Variants in GALNT17 observed in about 807,000 individuals in gnomAD.
GALNT17 encodes polypeptide N-acetylgalactosaminyltransferase 17.
Under a neutral mutation model 63.7 loss-of-function variants are expected in GALNT17, and 29 were observed. The observed-to-expected ratio is 0.46, with a 90% confidence interval of 0.34 to 0.62. The LOEUF (loss-of-function observed/expected upper bound fraction) is 0.62. GALNT17 is among the 20% of genes least tolerant of loss of function. The pLI, the probability that GALNT17 is intolerant of heterozygous loss-of-function variation, is 0.01. For missense variants in GALNT17, 603 were observed against 799.6 expected, an observed-to-expected ratio of 0.75 and a Z score of 2.97; for synonymous variants, 305 against 318.3, an observed-to-expected ratio of 0.96 and a Z score of 0.45.
chr7:71,471,917 A>C (rs1787638503), intron 5 of GALNT17, among the ~76,000 whole-genome samples: 1 of 149,914 alleles, frequency 6.7e-6, no homozygotes, highest in African/African-American at 2.5e-5. Flanking sequence ...CAGAAAGCCT[A>C]ATCTGTGTCT....
chr7:71,600,217 A>G (rs940718402), intron 6 of GALNT17, among the ~76,000 whole-genome samples: 4 of 151,414 alleles, frequency 2.6e-5, no homozygotes, highest in African/African-American at 9.8e-5. Flanking sequence ...ATGGTATTGA[A>G]ATTTCATGGG....
chr7:71,377,114 A>AAAAATATATAT, intron 2 of GALNT17, among the ~76,000 whole-genome samples: 19 of 57,450 alleles, frequency 3.3e-4, no homozygotes, highest in African/African-American at 8.4e-4. Context: ...AAATAAAAAA[A>AAAAATATATAT]ATATATATAT....
chr7:71,165,402 C>T (rs374304684), intron 1 of GALNT17, among the ~76,000 whole-genome samples: 26 of 152,312 alleles, frequency 1.7e-4, no homozygotes, highest in African/African-American at 4.8e-5. Flanking sequence ...CATAGTTCCA[C>T]GTGGCTAGGG....
chr7:71,357,608 T>C (rs1048774721), intron 2 of GALNT17, among the ~76,000 whole-genome samples: 2 of 152,186 alleles, frequency 1.3e-5, no homozygotes, highest in African/African-American at 4.8e-5. Context: ...CCTTGAGTCA[T>C]GCAGATTTAA....
intron 1 of GALNT17, among the ~76,000 whole-genome samples, chr7:71,292,645 G>C (rs1273957811): frequency 1.0e-5 from 1 of 98,234 alleles, no homozygotes; most frequent in East Asian, 4.7e-4. Context: ...GAGAGAGAGA[G>C]AGAGAGACAG....
chr7:71,569,014 C>G (rs998045134), intron 5 of GALNT17, among the ~76,000 whole-genome samples: 1 of 152,136 alleles, frequency 6.6e-6, no homozygotes, highest in African/African-American at 2.4e-5. Flanking sequence ...CTCTGTTGCC[C>G]AGGCTGGAGT....
intron 1 of GALNT17, among the ~76,000 whole-genome samples, chr7:71,295,145 G>A (rs771408522): frequency 6.6e-6 from 1 of 152,094 alleles, no homozygotes; most frequent in African/African-American, 2.4e-5. Flanking sequence ...TAAGTTCTAC[G>A]AGAACGCTGC....
At chr7:71,682,594 G>C (rs1021794269) in intron 9 of GALNT17, among the ~76,000 whole-genome samples, 31 of 39,348 alleles carry the variant, frequency 7.9e-4, no homozygotes, top group Admixed American at 1.8e-3. Context: ...ACCCAAGCTC[G>C]AGTCCAGTGG....
intron 1 of GALNT17, among the ~76,000 whole-genome samples, chr7:71,295,923 T>TGC (rs1791071492): frequency 6.6e-6 from 1 of 151,998 alleles, no homozygotes; most frequent in South Asian, 2.1e-4. Context: ...TTGGGTTTTT[T>TGC]TTTTTTTTCC....
At chr7:71,460,145 G>T (rs890755943) in intron 5 of GALNT17, among the ~76,000 whole-genome samples, 1 of 151,936 alleles carries the variant, frequency 6.6e-6, no homozygotes, top group African/African-American at 2.4e-5. Context: ...CTGTGTCACG[G>T]GCCATGGTCA....
intron 5 of GALNT17, among the ~76,000 whole-genome samples, chr7:71,428,265 A>G (rs2116477489): frequency 1.3e-5 from 2 of 152,216 alleles, no homozygotes; most frequent in Admixed American, 1.3e-4. Context: ...CCCTCCCACC[A>G]AACAGTGAAG....
intron 1 of GALNT17, among the ~76,000 whole-genome samples, chr7:71,307,038 G>T (rs992641906): frequency 6.6e-6 from 1 of 151,984 alleles, no homozygotes; most frequent in African/African-American, 2.4e-5. Flanking sequence ...TGGGCAGGCT[G>T]GTCTTGAACT....
At chr7:71,152,616 T>G (rs1788155179) in intron 1 of GALNT17, among the ~76,000 whole-genome samples, 1 of 152,110 alleles carries the variant, frequency 6.6e-6, no homozygotes, top group African/African-American at 2.4e-5. Context: ...GGCTCTAATG[T>G]TAATGGTTCA....
intron 1 of GALNT17, among the ~76,000 whole-genome samples, chr7:71,143,852 C>T (rs1374209215): frequency 1.3e-5 from 2 of 150,630 alleles, no homozygotes; most frequent in African/African-American, 4.9e-5. Flanking sequence ...CCAGCCTGGG[C>T]AACATAGTGA....
chr7:71,141,646 A>T (rs932444815), intron 1 of GALNT17, among the ~76,000 whole-genome samples: 1 of 150,758 alleles, frequency 6.6e-6, no homozygotes, highest in Non-Finnish European at 1.5e-5. Context: ...CATGGTAGGT[A>T]CTCAGGAGAT....
intron 5 of GALNT17, among the ~76,000 whole-genome samples, chr7:71,490,882 A>C (rs1787994553): frequency 6.6e-6 from 1 of 152,126 alleles, no homozygotes; most frequent in South Asian, 2.1e-4. Context: ...CCTAGGTAGC[A>C]GACCCTGTCT....
chr7:71,654,940 C>T (rs918754961), intron 6 of GALNT17, among the ~76,000 whole-genome samples: 4 of 152,114 alleles, frequency 2.6e-5, no homozygotes, highest in Admixed American at 6.6e-5. Context: ...AGGCACCTGC[C>T]GCCACGCCCA....
At chr7:71,431,477 T>C (rs188098391) in intron 5 of GALNT17, among the ~76,000 whole-genome samples, 8 of 152,258 alleles carry the variant, frequency 5.3e-5, no homozygotes, top group Non-Finnish European at 4.4e-5. Flanking sequence ...CCCAAAGTGC[T>C]GGGATTACAG....
rs889568581 is a variant in GALNT17 at position 71,589,573 on chromosome 7, GA to G, written c.1080+18183del. ...GGTGACAAACTGACACCTTGTCTCT[GA>G]AAAAAAAAAAAGAAAAAAGTAATAC... is the stretch of plus-strand genomic sequence containing the variant. On this transcript the variant is annotated intron_variant, in intron 6 of 10. Transcript: ENST00000333538. Among the ~76,000 whole-genome samples the G allele has an allele frequency of 2.7e-3, 375 of 138,296 alleles. 2 individuals are homozygous for G. Among genetic ancestry groups the G allele is most frequent in the African/African-American group, 6.0e-3 (226 of 37,716 alleles). 90.7% of individuals were successfully genotyped at this position (138,296 alleles called of 152,430 possible). A position where few individuals can be genotyped will look rare whatever the true frequency, so the allele number is the denominator to read the frequency against.
Sources: gnomAD v4.1 joint callset for allele counts (sites outside exome capture counted in the v4.1 genomes callset) on GRCh38, gnomAD v4.1.1 for gene constraint, MANE v1.5 for transcripts, NCBI Gene and HGNC (gene_info 2026-07-23, HGNC 2026-07-21) for gene names.